Variants in MYO3A observed in about 807,000 individuals in gnomAD.
MYO3A encodes myosin-IIIa.
MYO3A carries 180 observed loss-of-function variants against 192.7 expected under a neutral mutation model. The ratio of observed to expected loss-of-function variants is 0.93; its 90% CI spans 0.83 to 1.06. MYO3A has a LOEUF of 1.06. Ranked by LOEUF, MYO3A falls within the 50% of genes least tolerant of loss-of-function variation. The pLI, the probability that MYO3A is intolerant of heterozygous loss-of-function variation, is 0.00. For synonymous variants in MYO3A, 628 were observed against 645.3 expected, an observed-to-expected ratio of 0.97 and a Z score of 0.41; for missense variants, 1,896 against 1,905.0, an observed-to-expected ratio of 1.00 and a Z score of 0.09.
chr10:26,068,678 C>T, intron 11 of MYO3A, 90 bp from the exon 12 acceptor site: 1 of 842,354 alleles, frequency 1.2e-6, no homozygotes, highest in Non-Finnish European at 1.9e-6. Context: ...GTCCAGATTC[C>T]AGATGTTCTG....
intron 15 of MYO3A, among the ~76,000 whole-genome samples, chr10:26,091,146 A>G (rs1336798293): frequency 9.8e-5 from 15 of 152,312 alleles, no homozygotes; most frequent in Admixed American, 7.8e-4. Flanking sequence ...AGCAAGACAA[A>G]GAAGAGTGTA....
intron 6 of MYO3A, among the ~76,000 whole-genome samples, chr10:26,009,548 A>G (rs1841485183): frequency 6.6e-6 from 1 of 151,942 alleles, no homozygotes; most frequent in African/African-American, 2.4e-5. Context: ...TCTTCTCCCT[A>G]CTCCTCAGGT....
rs1222058211 is a variant in MYO3A, at chr10:26,170,451, G to A, written c.3310G>A (p.Glu1104Lys). ...ACACCTTGTCAGGAAACAAAGAAAA[G>A]AAATTGTTGACATGAAAAACACAGC... ...RGHLVRKQRK[E>K]IVDMKNTAVT... is the part of the protein sequence containing the mutation. The change falls in exon 29 of 35, where the codon GAA becomes AAA. Residue 1104 changes from glutamate to lysine, a missense_variant. Coordinates refer to ENST00000642920, the MANE Select transcript of MYO3A (RefSeq NM_017433.5). The A allele has an allele frequency of 5.6e-6, 9 of 1,613,590 alleles. No individual in the cohort carries two copies. Among genetic ancestry groups the A allele is most frequent in the Non-Finnish European group, 7.6e-6 (9 of 1,179,714 alleles).
intron 14 of MYO3A, among the ~76,000 whole-genome samples, chr10:26,073,608 G>A (rs1477587556): frequency 3.1e-5 from 3 of 96,242 alleles, no homozygotes; most frequent in Non-Finnish European, 7.6e-5. Context: ...TCCAGCCTGG[G>A]CAACAGTGCA....
intron 14 of MYO3A, among the ~76,000 whole-genome samples, chr10:26,072,230 A>T (rs1012680951): frequency 6.6e-6 from 1 of 152,180 alleles, no homozygotes; most frequent in African/African-American, 2.4e-5. Flanking sequence ...TTCCCTAGAC[A>T]CGTGGGGATT....
intron 20 of MYO3A, among the ~76,000 whole-genome samples, chr10:26,136,905 C>T (rs1839879652): frequency 1.3e-5 from 2 of 152,000 alleles, no homozygotes; most frequent in Admixed American, 1.3e-4. Flanking sequence ...CTGTACCCAG[C>T]TACTCAGGAG....
At chr10:25,935,197 A>C (rs564582384) in intron 1 of MYO3A, among the ~76,000 whole-genome samples, 186 of 152,326 alleles carry the variant, frequency 1.2e-3, no homozygotes, top group African/African-American at 4.3e-3. Context: ...AGACAAGAAA[A>C]GTATGATCAT....
At chr10:25,954,742 T>A in intron 3 of MYO3A, 132 bp from the exon 4 acceptor site, 3 of 907,256 alleles carry the variant, frequency 3.3e-6, no homozygotes, top group Non-Finnish European at 5.2e-6. Context: ...TTACAATACA[T>A]AATACTAAGC....
At chr10:26,202,855 G>A in intron 33 of MYO3A, 109 bp from the exon 34 acceptor site, 1 of 1,227,132 alleles carries the variant, frequency 8.1e-7, no homozygotes, top group Non-Finnish European at 1.2e-6. Context: ...ACATGTGTAT[G>A]TTACTCTAAA....
intron 17 of MYO3A, among the ~76,000 whole-genome samples, chr10:26,115,697 A>G (rs1838460622): frequency 1.3e-5 from 2 of 152,206 alleles, no homozygotes; most frequent in Non-Finnish European, 2.9e-5. Flanking sequence ...AAAATTTAGT[A>G]CATCTCAGTC....
At chr10:25,998,075 G>A (rs12259136) in intron 6 of MYO3A, among the ~76,000 whole-genome samples, 14,662 of 152,008 alleles carry the variant, frequency 0.096, 1,242 homozygotes, top group African/African-American at 0.22. Flanking sequence ...TGCATTTATC[G>A]TATAGAATTA....
At chr10:25,947,691 C>A (rs1836946432) in intron 2 of MYO3A, among the ~76,000 whole-genome samples, 1 of 152,070 alleles carries the variant, frequency 6.6e-6, no homozygotes, top group Non-Finnish European at 1.5e-5. Flanking sequence ...CTGCGCCTGG[C>A]AAAGATGGTA....
Position 26,070,095 on chromosome 10 carries a change from T to A in MYO3A, c.1171-16T>A. Reference sequence around the variant, plus strand: ...AAACAAAAAGCCCTACAAAATGTATTCTTTTTAACCTTTAGCATTCCAAAC... The same window carrying A: ...AAACAAAAAGCCCTACAAAATGTATACTTTTTAACCTTTAGCATTCCAAAC... On this transcript the variant is annotated splice_polypyrimidine_tract_variant and intron_variant, in intron 12 of 34. Transcript: ENST00000642920. The A allele has an allele frequency of 6.4e-7, 1 of 1,563,972 alleles. No homozygotes were observed.
At chr10:26,112,550 C>T (rs1159368764) in intron 17 of MYO3A, among the ~76,000 whole-genome samples, 2 of 152,174 alleles carry the variant, frequency 1.3e-5, no homozygotes, top group African/African-American at 2.4e-5. Context: ...GCACAGCATG[C>T]GACCTTCACA....
chr10:26,084,473 T>C lies in MYO3A; in HGVS notation c.1360-3730T>C, dbSNP rs117658591. Among the ~76,000 whole-genome samples the C allele has an allele frequency of 8.2e-3, 1,243 of 152,208 alleles. 8 individuals carry two copies. Among genetic ancestry groups the C allele is most frequent in the Non-Finnish European group, 0.012 (787 of 67,996 alleles). ...GGCTTCATAAATGTAGTTGAAGGTA[T>C]TCCCTCTAGCTCTATTTTTTTAATT... On this transcript the variant is annotated intron_variant, in intron 14 of 34. Coordinates refer to ENST00000642920, the MANE Select transcript of MYO3A (RefSeq NM_017433.5).
intron 25 of MYO3A, among the ~76,000 whole-genome samples, 184 bp from the exon 26 acceptor site, chr10:26,157,126 T>G (rs1046581590): frequency 2.0e-5 from 3 of 152,210 alleles, no homozygotes; most frequent in African/African-American, 7.2e-5. Flanking sequence ...AAATCTGTAT[T>G]TTTTAGAACT....
intron 6 of MYO3A, among the ~76,000 whole-genome samples, chr10:26,000,182 C>T (rs1316526018): frequency 6.6e-6 from 1 of 152,182 alleles, no homozygotes; most frequent in Non-Finnish European, 1.5e-5. Context: ...GTAATAACTT[C>T]TTTATATCTC....
intron 26 of MYO3A, among the ~76,000 whole-genome samples, chr10:26,162,864 A>T (rs922633181): frequency 6.6e-6 from 1 of 152,278 alleles, no homozygotes; most frequent in Non-Finnish European, 1.5e-5. Flanking sequence ...TGCGTTTTGC[A>T]TAAGAAAAGA....
intron 12 of MYO3A, 136 bp from the exon 13 acceptor site, chr10:26,069,975 T>C (rs1564517628): frequency 6.2e-6 from 4 of 649,102 alleles, no homozygotes; most frequent in African/African-American, 1.8e-5. Context: ...GTAACATGTA[T>C]GTAATAATGT....
Sources: allele counts gnomAD v4.1 joint callset (sites outside exome capture counted in the v4.1 genomes callset), GRCh38; gene constraint gnomAD v4.1.1; transcripts MANE v1.5; gene names NCBI Gene and HGNC (gene_info 2026-07-23, HGNC 2026-07-21).